MAP1B: variants seen among roughly 807,000 people sequenced by gnomAD.
MAP1B encodes microtubule associated protein 1B, also known as microtubule-associated protein 1B.
MAP1B carries 12 observed loss-of-function variants against 176.1 expected under a neutral mutation model. The observed-to-expected ratio is 0.07, with a 90% CI of 0.04 to 0.11. MAP1B has a LOEUF of 0.11. Ranked by LOEUF, MAP1B falls within the 10% of genes least tolerant of loss-of-function variation. The probability of loss-of-function intolerance (pLI) is 1.00; values close to 1 mark genes in which losing one functional copy is unlikely to be tolerated. For synonymous variants in MAP1B, 1,044 were observed against 1,135.0 expected, an observed-to-expected ratio of 0.92 and a Z score of 1.61; for missense variants, 2,523 against 2,990.5, an observed-to-expected ratio of 0.84 and a Z score of 3.65.
chr5:72,129,557 A>G (rs912262189), intron 2 of MAP1B, among the ~76,000 whole-genome samples: 3 of 143,366 alleles, frequency 2.1e-5, no homozygotes, highest in African/African-American at 7.6e-5. Flanking sequence ...ACTCCGTCCT[A>G]AAAAAAAAAA....
intron 2 of MAP1B, among the ~76,000 whole-genome samples, chr5:72,155,802 T>C (rs1389134398): frequency 6.7e-6 from 1 of 150,336 alleles, no homozygotes; most frequent in East Asian, 1.9e-4. Context: ...AGTCTCACTC[T>C]GTTGCCCAGG....
intron 1 of MAP1B, among the ~76,000 whole-genome samples, chr5:72,112,870 G>T (rs1436008914): frequency 1.3e-5 from 2 of 152,282 alleles, no homozygotes; most frequent in African/African-American, 4.8e-5. Flanking sequence ...GTGAAAATTA[G>T]AAAGAGGGCT....
At chr5:72,140,540 A>G (rs1315348433) in intron 2 of MAP1B, among the ~76,000 whole-genome samples, 3 of 152,244 alleles carry the variant, frequency 2.0e-5, no homozygotes, top group Non-Finnish European at 4.4e-5. Context: ...GCATGTCCTG[A>G]CAACTATTAA....
chr5:72,121,916 C>G (rs1253595844), intron 2 of MAP1B, among the ~76,000 whole-genome samples: 1 of 152,220 alleles, frequency 6.6e-6, no homozygotes, highest in Non-Finnish European at 1.5e-5. Flanking sequence ...CTCAGGGAAC[C>G]TGCAATTTCA....
chr5:72,191,027 T>C (rs967265408), intron 4 of MAP1B, among the ~76,000 whole-genome samples: 3 of 152,246 alleles, frequency 2.0e-5, no homozygotes, highest in Non-Finnish European at 4.4e-5. Flanking sequence ...CCAAAGCATA[T>C]TCCTCCTTGT....
At chr5:72,176,175 T>C (rs1746650601) in intron 2 of MAP1B, among the ~76,000 whole-genome samples, 1 of 152,196 alleles carries the variant, frequency 6.6e-6, no homozygotes, top group Non-Finnish European at 1.5e-5. Context: ...TGGGAGGCCA[T>C]AGTGCCCTGC....
intron 2 of MAP1B, among the ~76,000 whole-genome samples, chr5:72,126,221 C>T (rs1449237927): frequency 6.6e-6 from 1 of 152,152 alleles, no homozygotes; most frequent in African/African-American, 2.4e-5. Flanking sequence ...CAGCTCTGGG[C>T]CACACCTGAG....
intron 2 of MAP1B, among the ~76,000 whole-genome samples, chr5:72,136,223 C>A (rs1217845250): frequency 6.6e-6 from 1 of 152,142 alleles, no homozygotes; most frequent in African/African-American, 2.4e-5. Flanking sequence ...GAATATTGCC[C>A]TCATTTCCTC....
intron 2 of MAP1B, among the ~76,000 whole-genome samples, chr5:72,162,635 T>TTAA (rs1008460824): frequency 2.6e-4 from 39 of 152,330 alleles, no homozygotes; most frequent in African/African-American, 9.4e-4. Context: ...GCTTCCTTGC[T>TTAA]TAAATTCTGT....
At position 72,204,086 on chromosome 5, in the gene MAP1B, CCCTT is replaced by C. The variant is rs1420448057; in HGVS notation, c.7251+289_7251+292del. On this transcript the variant is annotated intron_variant, in intron 6 of 6. Transcript: ENST00000296755. This position sits in a 1 kb window ranked among gnomAD's most constrained non-coding sequence, Gnocchi z 4.4. ...TGCAAAATGGGCCTAAGATTAATTG[CCCTT>C]CCTCCAGTATGCCAAGAGTCTTGTG... 4.6e-5 allele frequency among the ~76,000 whole-genome samples: 7 copies of C among 152,202 alleles called. No homozygotes were observed. The highest frequency in any genetic ancestry group is 8.8e-5 in the Non-Finnish European group (6 of 68,038).
rs1426799726 is a variant in MAP1B, at chr5:72,199,423, A to G, written c.6068A>G (p.Tyr2023Cys). The G allele has an allele frequency of 6.2e-7, 1 of 1,614,166 alleles. No homozygotes were observed. The highest frequency in any genetic ancestry group is 1.7e-5 in the Admixed American group (1 of 60,024). The change falls in exon 5 of 7, where the codon TAT becomes TGT. Residue 2023 changes from tyrosine (Y) to cysteine (C), a missense_variant. Around this residue, in one of 4 missense-constraint regions of MAP1B, gnomAD observed 1,925 missense variants for 2,126.0 expected, o/e 0.91. Coordinates refer to ENST00000296755, the MANE Select transcript of MAP1B (RefSeq NM_005909.5). The surrounding 1 kb of genome is among the most constrained non-coding windows in gnomAD (Gnocchi z 4.2). ...ACCAGTTTCCCTGAGTCTGAAGGTT[A>G]TTCCTATGAGACATCTACAAAGACA... The part of the protein sequence containing the change: ...KITSFPESEG[Y>C]SYETSTKTTR...
At chr5:72,120,377 C>A (rs1233916028) in intron 2 of MAP1B, among the ~76,000 whole-genome samples, 1 of 150,720 alleles carries the variant, frequency 6.6e-6, no homozygotes, top group African/African-American at 2.4e-5. Context: ...CGTTTTCAGT[C>A]TTCTTGTTTG....
chr5:72,187,792 G>C (rs1746940573), intron 4 of MAP1B, among the ~76,000 whole-genome samples: 1 of 152,146 alleles, frequency 6.6e-6, no homozygotes, highest in Non-Finnish European at 1.5e-5. Context: ...GTCACCTGGA[G>C]GCTTCTTTAA....
intron 4 of MAP1B, among the ~76,000 whole-genome samples, chr5:72,190,899 A>G (rs1004079118): frequency 6.6e-6 from 1 of 152,246 alleles, no homozygotes; most frequent in African/African-American, 2.4e-5. Context: ...AGAAATTCAA[A>G]TCTTGTTTCA....
intron 2 of MAP1B, among the ~76,000 whole-genome samples, chr5:72,123,791 A>G (rs1467189563): frequency 6.6e-6 from 1 of 151,960 alleles, no homozygotes; most frequent in African/African-American, 2.4e-5. Context: ...GCCTATGCCC[A>G]GCTAGTTTTT....
rs377126427 is a variant in MAP1B at position 72,195,752 on chromosome 5, C to G, written c.2397C>G (p.Val799=). 6.2e-7 allele frequency: 1 copy of G among 1,614,202 alleles called. No individual in the cohort carries two copies. The highest frequency in any genetic ancestry group is 1.6e-4 in the Middle Eastern group (1 of 6,062). The stretch of plus-strand genomic sequence containing the variant: ...CCGCAGAGGCTGTCGCTGCAGCTGT[C>G]GGCACTGGAGCCACCACAGCAGCTG... ...GKAAEAVAAA[V]GTGATTAAVM... The change falls in exon 5 of 7, where the codon GTC becomes GTG. Residue 799 remains valine, a synonymous_variant. Coordinates refer to ENST00000296755, the MANE Select transcript of MAP1B (RefSeq NM_005909.5).
intron 2 of MAP1B, among the ~76,000 whole-genome samples, chr5:72,156,928 A>G (rs1300377739): frequency 6.6e-6 from 1 of 152,210 alleles, no homozygotes; most frequent in African/African-American, 2.4e-5. Context: ...ACAGACTCAC[A>G]AAGACCTTGT....
intron 3 of MAP1B, among the ~76,000 whole-genome samples, chr5:72,184,177 G>A (rs1746840687): frequency 1.3e-5 from 2 of 152,202 alleles, no homozygotes; most frequent in African/African-American, 2.4e-5. Context: ...CTCAGGCCGC[G>A]ACATACAGGG....
At chr5:72,108,643 C>T (rs1745202151) in intron 1 of MAP1B, among the ~76,000 whole-genome samples, 1 of 152,064 alleles carries the variant, frequency 6.6e-6, no homozygotes, top group Non-Finnish European at 1.5e-5. Flanking sequence ...CCCAGCCCCA[C>T]CCGAGCTGCC....
Sources: gnomAD v4.1 joint callset for allele counts (sites outside exome capture counted in the v4.1 genomes callset) on GRCh38, gnomAD v4.1.1 for gene constraint, gnomAD v4.1.1 regional missense constraint, Gnocchi (gnomAD v3.1) non-coding constraint, MANE v1.5 for transcripts, NCBI Gene and HGNC (gene_info 2026-07-23, HGNC 2026-07-21) for gene names.